USP13: variants seen among roughly 807,000 people sequenced by gnomAD.
USP13 encodes ubiquitin carboxyl-terminal hydrolase 13.
In USP13, 68 loss-of-function variants were observed where a neutral mutation model predicts 107.8. The observed-to-expected ratio is 0.63, with a 90% CI of 0.52 to 0.77. The LOEUF is 0.77. Ranked by LOEUF, USP13 falls within the 30% of genes least tolerant of loss-of-function variation. The pLI is 0.00. For synonymous variants in USP13, 377 were observed against 389.5 expected, an observed-to-expected ratio of 0.97 and a Z score of 0.38; for missense variants, 945 against 1,093.3, an observed-to-expected ratio of 0.86 and a Z score of 1.91.
intron 19 of USP13, 125 bp downstream of exon 19, chr3:179,765,973 C>T (rs930121240): frequency 2.3e-6 from 2 of 878,574 alleles, no homozygotes; most frequent in South Asian, 2.3e-5. Flanking sequence ...ATCCCATCTT[C>T]TTCGTTTTTT....
intron 6 of USP13, among the ~76,000 whole-genome samples, chr3:179,719,249 C>T (rs1713218327): frequency 6.6e-6 from 1 of 152,014 alleles, no homozygotes; most frequent in African/African-American, 2.4e-5. Flanking sequence ...GCAGGGCTGG[C>T]TGGAGTCTTG....
chr3:179,681,773 GC>G, intron 1 of USP13, 104 bp from the exon 2 acceptor site: 1 of 1,451,948 alleles, frequency 6.9e-7, no homozygotes. Context: ...GTGGCCCTTT[GC>G]CAGGCCTCGT....
chr3:179,761,337 G>T (rs1252978482), intron 17 of USP13, 82 bp downstream of exon 17: 2 of 1,535,446 alleles, frequency 1.3e-6, no homozygotes, highest in African/African-American at 1.4e-5. Context: ...CAAGGTCCCT[G>T]TGGATGTATC....
intron 17 of USP13, 120 bp from the exon 18 acceptor site, chr3:179,763,882 G>T: frequency 7.5e-7 from 1 of 1,335,814 alleles, no homozygotes; most frequent in Non-Finnish European, 9.9e-7. Context: ...CACTGCGCCT[G>T]GCCCAGACTG....
chr3:179,729,716 C>T (rs1000037880), intron 8 of USP13, among the ~76,000 whole-genome samples: 2 of 152,182 alleles, frequency 1.3e-5, no homozygotes, highest in African/African-American at 4.8e-5. Context: ...CGATGATCCA[C>T]CCGCCTCAGC....
At chr3:179,748,118 C>G (rs1484434822) in intron 13 of USP13, among the ~76,000 whole-genome samples, 2 of 152,162 alleles carry the variant, frequency 1.3e-5, no homozygotes, top group Non-Finnish European at 2.9e-5. Context: ...ATTTCATCCT[C>G]TTAGTAGTCT....
chr3:179,783,878 G>A (rs1260328701), intron 20 of USP13, among the ~76,000 whole-genome samples, 170 bp from the exon 21 acceptor site: 14 of 145,194 alleles, frequency 9.6e-5, no homozygotes, highest in African/African-American at 3.6e-4. Flanking sequence ...AAAAAAAAAA[G>A]CAGTTGTGAT....
At position 179,656,169 on chromosome 3, in the gene USP13, G is replaced by A. The variant is rs147973537; in HGVS notation, c.168+2776G>A. Among the ~76,000 whole-genome samples, 413 of 152,336 alleles carry A rather than the reference G, an allele frequency of 2.7e-3. 2 individuals carry two copies. Among genetic ancestry groups the A allele is most frequent in the African/African-American group, 8.9e-3 (370 of 41,566 alleles). On this transcript the variant is annotated intron_variant, in intron 1 of 20. Transcript: ENST00000263966. ...ATTATATGTGCAAAGAAGATACAAC[G>A]TGTGAATATTTCCCACTAATTTGCC...
In USP13 at chr3:179,787,029, A is replaced by G. The variant is rs1208105009; in HGVS notation, c.*2888A>G. 1 of 152,236 alleles carries G rather than the reference A, an allele frequency of 6.6e-6. No homozygotes were observed. The highest frequency in any genetic ancestry group is 2.4e-5 in the African/African-American group (1 of 41,460). The allele number at this position is 152,236 out of a possible 1,614,324, so 9.4% of individuals were successfully genotyped here. On this transcript the variant is annotated 3_prime_UTR_variant, in exon 21 of 21. Coordinates refer to ENST00000263966, the MANE Select transcript of USP13 (RefSeq NM_003940.3). ...GGTTCAGATTGGGATTTTCTTTTAAAGAAAAAAAAAGTATGCAGAAAAGAC... is the reference window on the plus strand; with the variant it reads ...GGTTCAGATTGGGATTTTCTTTTAAGGAAAAAAAAAGTATGCAGAAAAGAC...
chr3:179,730,301 A>G (rs766245150), intron 9 of USP13, 41 bp downstream of exon 9: 187 of 1,586,606 alleles, frequency 1.2e-4, no homozygotes, highest in Non-Finnish European at 1.5e-4. Flanking sequence ...TAGAAAAAGC[A>G]TCCAATAAAA....
chr3:179,680,957 C>T (rs1711633329), intron 1 of USP13, among the ~76,000 whole-genome samples: 1 of 98,244 alleles, frequency 1.0e-5, no homozygotes, highest in Non-Finnish European at 2.3e-5. Context: ...TTGCATTCCT[C>T]ACCAATGAAT....
chr3:179,728,305 C>T (rs539826765), intron 8 of USP13, among the ~76,000 whole-genome samples: 3,902 of 144,014 alleles, frequency 0.027, 176 homozygotes, highest in African/African-American at 0.095. Flanking sequence ...ACTTCTCAGA[C>T]GGGGCGGCCG....
chr3:179,723,325 A>G (rs1184313839), intron 8 of USP13, among the ~76,000 whole-genome samples: 1 of 152,188 alleles, frequency 6.6e-6, no homozygotes, highest in Non-Finnish European at 1.5e-5. Flanking sequence ...CAGCCAATAG[A>G]GAGTGAGTTC....
chr3:179,669,062 T>G (rs1031307782), intron 1 of USP13, among the ~76,000 whole-genome samples: 1 of 152,222 alleles, frequency 6.6e-6, no homozygotes, highest in Non-Finnish European at 1.5e-5. Context: ...GGTGCTCTTA[T>G]GGACTCAGTA....
chr3:179,662,629 T>G (rs993050025), intron 1 of USP13, among the ~76,000 whole-genome samples: 1 of 152,232 alleles, frequency 6.6e-6, no homozygotes, highest in African/African-American at 2.4e-5. Context: ...ATTTGCCATG[T>G]GTACCCTAAA....
rs779689069 is a variant in USP13, at chr3:179,690,285, T to A, written c.339T>A (p.Asn113Lys). Reference sequence around the variant, plus strand: ...GTGGAGCGTTACCAAAAAGGAGGAATTCCAAGATTTTTTTAGGTAAATAGT... The same window carrying A: ...GTGGAGCGTTACCAAAAAGGAGGAAATCCAAGATTTTTTTAGGTAAATAGT... ...ASGGALPKRR[N>K]SKIFLDLDTD... The change falls in exon 3 of 21, where the codon AAT becomes AAA. Residue 113 changes from asparagine (N) to lysine (K), a missense_variant. Coordinates refer to ENST00000263966, the MANE Select transcript of USP13 (RefSeq NM_003940.3). 3.1e-6 allele frequency: 5 copies of A among 1,614,020 alleles called. No homozygotes were observed. Among genetic ancestry groups the A allele is most frequent in the Non-Finnish European group, 4.2e-6 (5 of 1,179,938 alleles).
At chr3:179,756,468 G>A (rs1045720626) in intron 15 of USP13, among the ~76,000 whole-genome samples, 1 of 152,146 alleles carries the variant, frequency 6.6e-6, no homozygotes, top group Non-Finnish European at 1.5e-5. Context: ...GAGAGGCTGG[G>A]CGCAGTGGTG....
chr3:179,746,061 T>G (rs1354890988), intron 13 of USP13, among the ~76,000 whole-genome samples: 1 of 151,814 alleles, frequency 6.6e-6, no homozygotes, highest in African/African-American at 2.4e-5. Flanking sequence ...CGTTCAGATA[T>G]TCTTTGGCCA....
intron 18 of USP13, 98 bp from the exon 19 acceptor site, chr3:179,765,597 C>CT: frequency 7.0e-7 from 1 of 1,437,868 alleles, no homozygotes; most frequent in Non-Finnish European, 9.4e-7. Context: ...TTCAGACCTC[C>CT]TTCCCTATCT....
Sources: gnomAD v4.1 joint callset for allele counts (sites outside exome capture counted in the v4.1 genomes callset) on GRCh38, gnomAD v4.1.1 for gene constraint, MANE v1.5 for transcripts, NCBI Gene and HGNC (gene_info 2026-07-23, HGNC 2026-07-21) for gene names.